EPB41L5: variants seen among roughly 807,000 people sequenced by gnomAD.
EPB41L5 encodes band 4.1-like protein 5.
EPB41L5 carries 55 observed loss-of-function variants against 106.6 expected under a neutral mutation model. The observed-to-expected ratio is 0.52, with a 90% confidence interval of 0.42 to 0.65. EPB41L5 has a LOEUF of 0.65. Among genes scored for constraint, EPB41L5 ranks in the 30% least tolerant of loss-of-function variants. The pLI, the probability that EPB41L5 is intolerant of heterozygous loss-of-function variation, is 0.00. For missense variants in EPB41L5, 871 were observed against 882.1 expected (o/e 0.99, Z 0.16); for synonymous variants, 297 against 306.7 (o/e 0.97, Z 0.33).
At chr2:120,040,488 T>G (rs537498905) in intron 2 of EPB41L5, among the ~76,000 whole-genome samples, 3 of 152,256 alleles carry the variant, frequency 2.0e-5, no homozygotes, top group African/African-American at 7.2e-5. Flanking sequence ...AGGGCATGAT[T>G]AAAATATTCT....
chr2:120,022,215 G>A (rs905547263), intron 2 of EPB41L5, among the ~76,000 whole-genome samples: 29 of 151,954 alleles, frequency 1.9e-4, no homozygotes, highest in African/African-American at 7.0e-4. Flanking sequence ...TTAAGTTCTG[G>A]GATACATGTG....
At chr2:120,050,137 A>G (rs1246302883) in intron 3 of EPB41L5, among the ~76,000 whole-genome samples, 2 of 151,964 alleles carry the variant, frequency 1.3e-5, no homozygotes, top group Non-Finnish European at 2.9e-5. Flanking sequence ...TGACAATTAT[A>G]TGTCTTGGAG....
intron 20 of EPB41L5, among the ~76,000 whole-genome samples, chr2:120,150,304 T>C (rs1686614275): frequency 6.6e-6 from 1 of 152,010 alleles, no homozygotes; most frequent in Non-Finnish European, 1.5e-5. Context: ...TCTATTCAAG[T>C]CCTTTGCTCA....
intron 16 of EPB41L5, chr2:120,101,720 G>A (rs1684152990): frequency 6.6e-6 from 1 of 152,202 alleles, no homozygotes; most frequent in South Asian, 2.1e-4. Flanking sequence ...TCTTTGCTAT[G>A]TAATTATTTT....
Position 120,164,857 on chromosome 2 carries a change from G to T in EPB41L5, c.1909G>T (p.Ala637Ser). The T allele has an allele frequency of 6.2e-7, 1 of 1,612,492 alleles. No homozygotes were observed. Among genetic ancestry groups the T allele is most frequent in the Non-Finnish European group, 8.5e-7 (1 of 1,179,256 alleles). ...ATAGGAAGCTACAGATGAATTGGAT[G>T]CCTTGCTTGCATCTCTAACTGAGAA... The part of the protein sequence containing the change: ...VLKEATDELD[A>S]LLASLTENLI... Residue 637 changes from alanine (A) to serine (S), a missense_variant, in exon 22 of 25, where the codon GCC becomes TCC. Ala to Ser is a moderately conservative substitution (Grantham distance 99). Transcript: ENST00000263713.
intron 10 of EPB41L5, among the ~76,000 whole-genome samples, chr2:120,080,257 C>G (rs997881885): frequency 1.3e-5 from 2 of 151,902 alleles, no homozygotes; most frequent in African/African-American, 4.8e-5. Flanking sequence ...ATCCCTCCCC[C>G]TCCCCCAACC....
chr2:120,124,673 A>G (rs988756133), intron 16 of EPB41L5, among the ~76,000 whole-genome samples: 1 of 152,194 alleles, frequency 6.6e-6, no homozygotes, highest in African/African-American at 2.4e-5. Flanking sequence ...AAATGTTTCA[A>G]TACCTTGTAT....
At chr2:120,139,361 A>G (rs184545897) in intron 18 of EPB41L5, among the ~76,000 whole-genome samples, 8 of 152,178 alleles carry the variant, frequency 5.3e-5, no homozygotes, top group Admixed American at 4.6e-4. Context: ...CTGCACAGCA[A>G]AGGAAACAAT....
At chr2:120,103,976 T>A (rs138836286) in intron 16 of EPB41L5, 1 of 1,410,920 alleles carries the variant, frequency 7.1e-7, no homozygotes, top group Non-Finnish European at 9.2e-7. Context: ...CACATTACCT[T>A]TCCCCTTTAT....
intron 4 of EPB41L5, among the ~76,000 whole-genome samples, chr2:120,073,685 C>A (rs1476800530): frequency 6.6e-6 from 1 of 152,040 alleles, no homozygotes; most frequent in Non-Finnish European, 1.5e-5. Context: ...ATTAGGGCAC[C>A]TCAACTCTTG....
chr2:120,072,284 A>G (rs980618693), intron 3 of EPB41L5, among the ~76,000 whole-genome samples: 1 of 152,210 alleles, frequency 6.6e-6, no homozygotes, highest in Non-Finnish European at 1.5e-5. Context: ...TCAGGAAACA[A>G]CAGGTGCTGG....
At chr2:120,112,201 AT>A (rs1684755812) in intron 16 of EPB41L5, among the ~76,000 whole-genome samples, 1 of 151,736 alleles carries the variant, frequency 6.6e-6, no homozygotes, top group Admixed American at 6.6e-5. Context: ...GATTCTTAGG[AT>A]TTTTCAACTT....
chr2:120,104,061 C>T, intron 16 of EPB41L5: 1 of 1,532,346 alleles, frequency 6.5e-7, no homozygotes, highest in Non-Finnish European at 8.7e-7. Flanking sequence ...ACCATCCAGG[C>T]TCTCTGCTGC....
At chr2:120,157,831 T>G (rs528509263) in intron 20 of EPB41L5, among the ~76,000 whole-genome samples, 4 of 151,430 alleles carry the variant, frequency 2.6e-5, no homozygotes, top group African/African-American at 9.7e-5. Context: ...GAGTTGCTTT[T>G]TTGAAAAAAT....
At chr2:120,114,874 A>G (rs1684879789) in intron 16 of EPB41L5, among the ~76,000 whole-genome samples, 2 of 152,188 alleles carry the variant, frequency 1.3e-5, no homozygotes, top group Non-Finnish European at 2.9e-5. Context: ...TTTTCTGCTC[A>G]TAAAGTGAAA....
At chr2:120,156,139 G>A (rs182944025) in intron 20 of EPB41L5, among the ~76,000 whole-genome samples, 10 of 152,262 alleles carry the variant, frequency 6.6e-5, no homozygotes, top group African/African-American at 2.2e-4. Flanking sequence ...ACTTTAGCCC[G>A]AGGAGAACTA....
chr2:120,112,934 A>G (rs949608063), intron 16 of EPB41L5, among the ~76,000 whole-genome samples: 3 of 152,244 alleles, frequency 2.0e-5, no homozygotes, highest in African/African-American at 7.2e-5. Flanking sequence ...GCTTAGTCCT[A>G]GAACCCAGCC....
intron 20 of EPB41L5, 49 bp from the exon 21 acceptor site, chr2:120,160,832 T>C (rs776559501): frequency 9.4e-6 from 13 of 1,382,514 alleles, no homozygotes; most frequent in African/African-American, 1.4e-5. Flanking sequence ...AAATCCTGCC[T>C]GTACCTGTAC....
At chr2:120,171,586 T>G (rs1362832980) in intron 24 of EPB41L5, among the ~76,000 whole-genome samples, 2 of 152,230 alleles carry the variant, frequency 1.3e-5, no homozygotes, top group African/African-American at 2.4e-5. Flanking sequence ...CTCAGTTTCC[T>G]GAATGCTGTT....
Sources: gnomAD v4.1 joint callset for allele counts (sites outside exome capture counted in the v4.1 genomes callset) on GRCh38, gnomAD v4.1.1 for gene constraint, MANE v1.5 for transcripts, NCBI Gene and HGNC (gene_info 2026-07-23, HGNC 2026-07-21) for gene names.